COL5A2: variants seen among roughly 807,000 people sequenced by gnomAD.
The protein encoded by COL5A2 is collagen alpha-2(V) chain.
In COL5A2, 23 loss-of-function variants were observed where a neutral mutation model predicts 208.2. The observed-to-expected ratio is 0.11, with a 90% CI of 0.08 to 0.16. The LOEUF is 0.16. Among genes scored for constraint, COL5A2 ranks in the 10% least tolerant of loss-of-function variants. COL5A2 has a pLI of 1.00. For synonymous variants in COL5A2, 625 were observed against 628.5 expected (o/e 0.99, Z 0.08); for missense variants, 1,590 against 1,956.4 (o/e 0.81, Z 3.53).
chr2:189,391,174 C>A, the COL5A2 span, among the ~76,000 whole-genome samples: 4 of 151,754 alleles, frequency 2.6e-5, no homozygotes, highest in Non-Finnish European at 4.4e-5. Context: ...GCTCTGAGAC[C>A]CCAAATTTGG....
At chr2:189,292,998 G>A in the COL5A2 span, among the ~76,000 whole-genome samples, 6 of 151,616 alleles carry the variant, frequency 4.0e-5, no homozygotes, top group South Asian at 2.1e-4. Context: ...GTAAACTACC[G>A]CAAGAACAAA....
At chr2:189,072,524 C>T (rs987095419) in intron 17 of COL5A2, among the ~76,000 whole-genome samples, 1 of 152,100 alleles carries the variant, frequency 6.6e-6, no homozygotes, top group African/African-American at 2.4e-5. Flanking sequence ...GTAATCCCAG[C>T]ACTTTGGGAG....
chr2:189,328,070 A>C, the COL5A2 span, among the ~76,000 whole-genome samples: 1 of 152,200 alleles, frequency 6.6e-6, no homozygotes, highest in East Asian at 1.9e-4. Context: ...TTCTTTCTCT[A>C]TTTCATAGCA....
chr2:189,093,245 GTAT>G (rs1405125441), intron 6 of COL5A2, among the ~76,000 whole-genome samples: 1 of 152,198 alleles, frequency 6.6e-6, no homozygotes, highest in Non-Finnish European at 1.5e-5. Flanking sequence ...GGCTAGTTAA[GTAT>G]TTTCTGGCTC....
chr2:189,206,586 G>T (rs1388485209), intron 1 of COL5A2, among the ~76,000 whole-genome samples: 1 of 152,130 alleles, frequency 6.6e-6, no homozygotes, highest in African/African-American at 2.4e-5. Context: ...AACCATGAAG[G>T]ACTAGGGCCA....
chr2:189,326,580 C>T, the COL5A2 span, among the ~76,000 whole-genome samples: 25 of 151,938 alleles, frequency 1.6e-4, no homozygotes, highest in Admixed American at 1.2e-3. Context: ...GTAGTCCCAG[C>T]TACCCAGAAG....
At chr2:189,423,347 A>G in the COL5A2 span, among the ~76,000 whole-genome samples, 1 of 152,030 alleles carries the variant, frequency 6.6e-6, no homozygotes, top group Admixed American at 6.5e-5. Context: ...ATAGGAAAAA[A>G]TTAAGCCCAA....
chr2:189,333,248 G>A, the COL5A2 span, among the ~76,000 whole-genome samples: 2 of 152,120 alleles, frequency 1.3e-5, no homozygotes, highest in East Asian at 3.9e-4. Flanking sequence ...ACTAACAATA[G>A]ATAAATCAAC....
At chr2:189,060,697 T>C in intron 31 of COL5A2, 33 bp downstream of exon 31, 2 of 1,559,136 alleles carry the variant, frequency 1.3e-6, no homozygotes, top group South Asian at 2.2e-5. Context: ...CAGCAATGTA[T>C]AGTGTTGCCA....
the COL5A2 span, among the ~76,000 whole-genome samples, chr2:189,365,242 C>A: frequency 1.3e-5 from 2 of 152,108 alleles, no homozygotes; most frequent in Non-Finnish European, 2.9e-5. Flanking sequence ...CAGACACCAC[C>A]CTAGCTTTAA....
intron 17 of COL5A2, among the ~76,000 whole-genome samples, chr2:189,072,490 G>T (rs934945006): frequency 2.6e-5 from 4 of 152,220 alleles, no homozygotes; most frequent in African/African-American, 9.6e-5. Context: ...ACCATCTGGA[G>T]GCCAGGCACG....
In COL5A2 at chr2:189,169,283, C is replaced by T. The variant is rs35160346; in HGVS notation, c.97+10225G>A. 4.2e-3 allele frequency among the ~76,000 whole-genome samples: 640 copies of T among 152,228 alleles called. 2 individuals carry two copies. Among genetic ancestry groups the T allele is most frequent in the Admixed American group, 8.4e-3 (128 of 15,272 alleles). ...GGTGGCACTGGGGCATGGAGTGGATCATGCTTGGCTTGCTCACACACTGGG... is the reference window on the plus strand; with the variant it reads ...GGTGGCACTGGGGCATGGAGTGGATTATGCTTGGCTTGCTCACACACTGGG... On this transcript the variant is annotated intron_variant, in intron 1 of 53. Coordinates refer to ENST00000374866, the MANE Select transcript of COL5A2 (RefSeq NM_000393.5).
chr2:189,092,015 G>A (rs932777061), intron 7 of COL5A2, among the ~76,000 whole-genome samples: 8 of 152,246 alleles, frequency 5.3e-5, no homozygotes, highest in African/African-American at 1.9e-4. Flanking sequence ...CATTTAAAGA[G>A]GGGGAAAGCA....
chr2:189,243,405 T>C, the COL5A2 span, among the ~76,000 whole-genome samples: 3 of 152,098 alleles, frequency 2.0e-5, no homozygotes, highest in African/African-American at 7.2e-5. Flanking sequence ...TCCACATGGC[T>C]CAAGAGGTCT....
intron 1 of COL5A2, among the ~76,000 whole-genome samples, chr2:189,207,897 C>T (rs1298429370): frequency 6.6e-6 from 1 of 152,136 alleles, no homozygotes; most frequent in Non-Finnish European, 1.5e-5. Flanking sequence ...TTTCTGATCG[C>T]TACTCTTGCC....
chr2:189,265,935 G>C, the COL5A2 span, among the ~76,000 whole-genome samples: 1 of 152,128 alleles, frequency 6.6e-6, no homozygotes, highest in South Asian at 2.1e-4. Context: ...GTTAATCATA[G>C]AGTGACCATA....
chr2:189,060,367 T>C (rs1344662846), intron 31 of COL5A2, among the ~76,000 whole-genome samples: 2 of 152,002 alleles, frequency 1.3e-5, no homozygotes, highest in Admixed American at 1.3e-4. Context: ...AATGATTAAA[T>C]GAACAAATGA....
chr2:189,057,458 C>A (rs1179207701), intron 33 of COL5A2, 31 bp from the exon 34 acceptor site: 8 of 1,471,028 alleles, frequency 5.4e-6, no homozygotes, highest in Non-Finnish European at 6.7e-6. Context: ...GTGACCATAC[C>A]AATAATATTA....
At chr2:189,176,363 T>A (rs1285018867) in intron 1 of COL5A2, among the ~76,000 whole-genome samples, 3 of 152,200 alleles carry the variant, frequency 2.0e-5, no homozygotes, top group African/African-American at 7.2e-5. Context: ...ACAGGCCCCA[T>A]CATCACCTAT....
Sources: gnomAD v4.1 joint callset for allele counts (sites outside exome capture counted in the v4.1 genomes callset) on GRCh38, gnomAD v4.1.1 for gene constraint, MANE v1.5 for transcripts, NCBI Gene and HGNC (gene_info 2026-07-23, HGNC 2026-07-21) for gene names.